RNF216: variants seen among roughly 807,000 people sequenced by gnomAD.
RNF216 encodes E3 ubiquitin-protein ligase RNF216.
RNF216 carries 72 observed loss-of-function variants against 110.8 expected under a neutral mutation model. The ratio of observed to expected loss-of-function variants is 0.65; its 90% confidence interval spans 0.54 to 0.79. The LOEUF (loss-of-function observed/expected upper bound fraction) is 0.79. RNF216 is among the 30% of genes least tolerant of loss of function. The pLI is 0.00. For missense variants in RNF216, 1,342 were observed against 1,141.2 expected, an observed-to-expected ratio of 1.18 and a Z score of -2.54; for synonymous variants, 495 against 407.5, an observed-to-expected ratio of 1.21 and a Z score of -2.59.
intron 11 of RNF216, 27 bp downstream of exon 11, chr7:5,715,026 A>G: frequency 6.3e-7 from 1 of 1,596,916 alleles, no homozygotes; most frequent in Non-Finnish European, 8.6e-7. Context: ...TGTCCTATAT[A>G]CATGGGACAT....
chr7:5,721,250 C>G (rs949579754), intron 8 of RNF216, 78 bp from the exon 9 acceptor site: 23 of 1,268,578 alleles, frequency 1.8e-5, no homozygotes, highest in Non-Finnish European at 2.6e-5. Flanking sequence ...CCATTCTTCC[C>G]GGCCTCATCC....
intron 13 of RNF216, among the ~76,000 whole-genome samples, chr7:5,687,404 A>AAAAG (rs1398131758): frequency 2.0e-5 from 3 of 146,620 alleles, no homozygotes; most frequent in African/African-American, 8.0e-5. Context: ...CAAAAAAAAA[A>AAAAG]AAAAAAAAAA....
chr7:5,732,567 C>A (rs1423105694), intron 5 of RNF216, among the ~76,000 whole-genome samples: 1 of 152,218 alleles, frequency 6.6e-6, no homozygotes, highest in Non-Finnish European at 1.5e-5. Context: ...TGACAGAAAT[C>A]AGAAGCTCTC....
chr7:5,737,284 G>C (rs1007230151), intron 5 of RNF216, among the ~76,000 whole-genome samples: 1 of 152,132 alleles, frequency 6.6e-6, no homozygotes, highest in Non-Finnish European at 1.5e-5. Flanking sequence ...GAATAAGGGC[G>C]GTGCAAGATG....
At position 5,626,413 on chromosome 7, in the gene RNF216, A is replaced by G. The variant is rs572276772; in HGVS notation, c.2383-2288T>C. 7.6e-3 allele frequency among the ~76,000 whole-genome samples: 896 copies of G among 118,128 alleles called. 14 individuals are homozygous for G. The highest frequency in any genetic ancestry group is 0.029 in the African/African-American group (858 of 29,096). 77.5% of individuals were successfully genotyped at this position (118,128 alleles called of 152,430 possible). Reference sequence around the variant, plus strand: ...AGTGGCAGGCCTAAGAAAAAAGACTAAAAAAAAAAAAAAGAAAAAAAGAAA... The same window carrying G: ...AGTGGCAGGCCTAAGAAAAAAGACTGAAAAAAAAAAAAAGAAAAAAAGAAA... On this transcript the variant is annotated intron_variant, in intron 15 of 16. Transcript: ENST00000389902.
intron 5 of RNF216, among the ~76,000 whole-genome samples, chr7:5,733,861 A>G: frequency 6.6e-6 from 1 of 152,332 alleles, no homozygotes; most frequent in East Asian, 1.9e-4. Context: ...TGTTAAAGCA[A>G]TTCACACATA....
chr7:5,740,899 TTGCA>T, intron 4 of RNF216, 70 bp downstream of exon 4: 1 of 1,437,522 alleles, frequency 7.0e-7, no homozygotes, highest in African/African-American at 1.4e-5. Context: ...ACTTTTTTTT[TTGCA>T]ATGAAAAAAA....
rs185631222 is a variant in RNF216, at chr7:5,748,394, G to A, written c.201+4452C>T. Among the ~76,000 whole-genome samples, 175 of 152,164 alleles carry A rather than the reference G, an allele frequency of 1.2e-3. 1 individual carries two copies. Among genetic ancestry groups the A allele is most frequent in the African/African-American group, 4.2e-3 (174 of 41,486 alleles). ...AAACAAGCTAAATTCCAAGTAGCTG[G>A]GATTATAGGTGCTCACCACCATGCC... On this transcript the variant is annotated intron_variant, in intron 3 of 16. Coordinates refer to ENST00000389902, the MANE Select transcript of RNF216 (RefSeq NM_207111.4).
In RNF216 at chr7:5,721,994, A is replaced by G. The variant is rs556033439; in HGVS notation, c.1505-822T>C. On this transcript the variant is annotated intron_variant, in intron 8 of 16. Transcript: ENST00000389902. ...CTGGAGTGCAGTGGCACATTCACAG[A>G]TCACTGCAGCCTCAACTCCTGGGCT... Among the ~76,000 whole-genome samples the G allele has an allele frequency of 3.1e-3, 466 of 152,316 alleles. 2 individuals are homozygous for G. Among genetic ancestry groups the G allele is most frequent in the African/African-American group, 0.011 (456 of 41,586 alleles).
At chr7:5,651,734 C>T (rs778352880) in intron 14 of RNF216, among the ~76,000 whole-genome samples, 17 of 151,876 alleles carry the variant, frequency 1.1e-4, no homozygotes, top group Non-Finnish European at 1.5e-4. Context: ...CTGCAACCTC[C>T]GCCTCCCGGG....
chr7:5,777,781 A>G (rs1043063999), intron 1 of RNF216, among the ~76,000 whole-genome samples: 9 of 152,252 alleles, frequency 5.9e-5, no homozygotes, highest in African/African-American at 2.2e-4. Flanking sequence ...AGCTCTAAGA[A>G]TCCTATTATC....
chr7:5,661,283 C>T (rs1789121226), intron 13 of RNF216, among the ~76,000 whole-genome samples: 1 of 152,044 alleles, frequency 6.6e-6, no homozygotes, highest in Non-Finnish European at 1.5e-5. Flanking sequence ...ACTCTATTGC[C>T]CAGTCAGTGG....
At chr7:5,777,619 G>A (rs1329625899) in intron 1 of RNF216, 1 of 152,252 alleles carries the variant, frequency 6.6e-6, no homozygotes, top group African/African-American at 2.4e-5. Flanking sequence ...GTGACCACAG[G>A]ATGGTGATGC....
intron 5 of RNF216, among the ~76,000 whole-genome samples, chr7:5,738,303 G>A (rs1369020006): frequency 2.0e-5 from 3 of 152,030 alleles, no homozygotes; most frequent in Admixed American, 1.3e-4. Flanking sequence ...ACAGCTCACT[G>A]CAGCCTTGAA....
At chr7:5,637,693 C>T (rs1030533671) in intron 15 of RNF216, among the ~76,000 whole-genome samples, 17 of 152,112 alleles carry the variant, frequency 1.1e-4, no homozygotes, top group African/African-American at 3.9e-4. Flanking sequence ...GCACGCACCA[C>T]CACCCCTGGA....
At chr7:5,718,835 G>T (rs1793231768) in intron 9 of RNF216, among the ~76,000 whole-genome samples, 1 of 152,062 alleles carries the variant, frequency 6.6e-6, no homozygotes, top group South Asian at 2.1e-4. Flanking sequence ...GGGATTACAG[G>T]CATGAGCCAT....
intron 5 of RNF216, among the ~76,000 whole-genome samples, chr7:5,735,529 C>A (rs1033519374): frequency 6.6e-6 from 1 of 151,936 alleles, no homozygotes; most frequent in Admixed American, 6.5e-5. Context: ...TAACTGAAAA[C>A]CAGTAACACG....
At chr7:5,676,999 C>T (rs1790340277) in intron 13 of RNF216, among the ~76,000 whole-genome samples, 1 of 152,148 alleles carries the variant, frequency 6.6e-6, no homozygotes, top group African/African-American at 2.4e-5. Flanking sequence ...AAACCAAAAC[C>T]CACCAACCAC....
intron 12 of RNF216, 150 bp downstream of exon 12, chr7:5,712,565 T>A: frequency 1.4e-6 from 1 of 730,596 alleles, no homozygotes; most frequent in Non-Finnish European, 2.2e-6. Context: ...TAAAAATAAA[T>A]AAGTAAAATT....
Sources: gnomAD v4.1 joint callset for allele counts (sites outside exome capture counted in the v4.1 genomes callset) on GRCh38, gnomAD v4.1.1 for gene constraint, MANE v1.5 for transcripts, NCBI Gene and HGNC (gene_info 2026-07-23, HGNC 2026-07-21) for gene names.